CDH19: variants seen among roughly 807,000 people sequenced by gnomAD.
CDH19 encodes the protein cadherin-19.
A neutral mutation model predicts 64.2 loss-of-function variants in CDH19; 67 were observed. The observed-to-expected ratio is 1.04, with a 90% CI of 0.86 to 1.28. The LOEUF is 1.28. CDH19 is among the 50% of genes most tolerant of loss of function. The pLI is 0.00. For synonymous variants in CDH19, 346 were observed against 319.3 expected, an observed-to-expected ratio of 1.08 and a Z score of -0.89; for missense variants, 1,030 against 929.0, an observed-to-expected ratio of 1.11 and a Z score of -1.41.
chr18:66,593,365 T>C (rs1359001616), intron 1 of CDH19, among the ~76,000 whole-genome samples: 2 of 151,976 alleles, frequency 1.3e-5, no homozygotes, highest in African/African-American at 4.8e-5. Flanking sequence ...AATGTTCTTA[T>C]ACAAAAAAAT....
chr18:66,506,420 T>C (rs1049517409), intron 11 of CDH19, among the ~76,000 whole-genome samples: 4 of 151,944 alleles, frequency 2.6e-5, no homozygotes, highest in Non-Finnish European at 5.9e-5. Context: ...CAACACACTG[T>C]ACCCCATAAA....
rs140482778 is a variant in CDH19 at position 66,545,095 on chromosome 18, C to T, written c.776-192G>A. 3.0e-4 allele frequency among the ~76,000 whole-genome samples: 46 copies of T among 152,166 alleles called. 1 individual carries two copies. In the East Asian group the frequency reaches 6.0e-3, roughly 20 times the overall value. On this transcript the variant is annotated intron_variant, in intron 5 of 11. Coordinates refer to ENST00000262150, the MANE Select transcript of CDH19 (RefSeq NM_021153.4). ...CTGGGTTCATGCCATTCTCCTGCCT[C>T]AGCCTACTGAGTAGCTGGGTCTACA... is the stretch of plus-strand genomic sequence containing the variant.
At chr18:66,508,712 A>G (rs553943033) in intron 11 of CDH19, among the ~76,000 whole-genome samples, 4 of 150,832 alleles carry the variant, frequency 2.7e-5, no homozygotes, top group Admixed American at 1.3e-4. Flanking sequence ...ATACTGTTAC[A>G]TTGTATATGT....
Position 66,568,475 on chromosome 18 carries a change from T to C in CDH19, c.431A>G (p.Asn144Ser). The C allele has an allele frequency of 6.2e-7, 1 of 1,612,304 alleles. No homozygotes were observed. Among genetic ancestry groups the C allele is most frequent in the Admixed American group, 1.7e-5 (1 of 59,756 alleles). The stretch of plus-strand genomic sequence containing the variant: ...AGGTTCATCTAGGAATTTTGGTTCA[T>C]TGTCATTGATATCCGAAACTTTGAT... Reference protein sequence around the residue: ...FVIKVSDINDNEPKFLDEPYE... With the variant: ...FVIKVSDINDSEPKFLDEPYE... Residue 144 changes from asparagine (N) to serine (S), a missense_variant, in exon 3 of 12, where the codon AAT becomes AGT. Coordinates refer to ENST00000262150, the MANE Select transcript of CDH19 (RefSeq NM_021153.4).
At chr18:66,534,899 A>T in intron 8 of CDH19, 87 bp downstream of exon 8, 1 of 851,868 alleles carries the variant, frequency 1.2e-6, no homozygotes, top group Non-Finnish European at 1.7e-6. Flanking sequence ...ACAACATTTT[A>T]AAGTAGCCTT....
intron 11 of CDH19, 23 bp from the exon 12 acceptor site, chr18:66,505,325 A>G (rs1985141356): frequency 6.6e-7 from 1 of 1,506,398 alleles, no homozygotes; most frequent in African/African-American, 1.4e-5. Flanking sequence ...GCACATCAGA[A>G]TATCAATAAA....
At chr18:66,558,814 G>A (rs920807514) in intron 3 of CDH19, among the ~76,000 whole-genome samples, 5 of 151,904 alleles carry the variant, frequency 3.3e-5, no homozygotes, top group Admixed American at 1.3e-4. Flanking sequence ...TTTAGACAAC[G>A]AATGTTTAAT....
chr18:66,547,623 G>A (rs1036978651), intron 5 of CDH19, among the ~76,000 whole-genome samples: 4 of 151,648 alleles, frequency 2.6e-5, no homozygotes, highest in Non-Finnish European at 5.9e-5. Flanking sequence ...TCAGAGGAGG[G>A]GCAGCTGGAA....
chr18:66,535,926 G>A (rs1986650543), intron 7 of CDH19, among the ~76,000 whole-genome samples: 1 of 145,436 alleles, frequency 6.9e-6, no homozygotes, highest in African/African-American at 2.5e-5. Context: ...TAATATATAT[G>A]TTTTATATAT....
intron 7 of CDH19, among the ~76,000 whole-genome samples, chr18:66,543,269 C>T (rs1272936185): frequency 5.3e-5 from 8 of 151,968 alleles, no homozygotes; most frequent in African/African-American, 9.7e-5. Flanking sequence ...CCTCGTGATC[C>T]GCCCGCCTCG....
rs377474071 is a variant in CDH19 at position 66,568,477 on chromosome 18, G to A, written c.429C>T (p.Asp143=). ...EFVIKVSDIN[D]NEPKFLDEPY... ...GTTCATCTAGGAATTTTGGTTCATTGTCATTGATATCCGAAACTTTGATGA... is the reference window on the plus strand; with the variant it reads ...GTTCATCTAGGAATTTTGGTTCATTATCATTGATATCCGAAACTTTGATGA... Residue 143 remains aspartate, a synonymous_variant, in exon 3 of 12, where the codon GAC becomes GAT. Transcript: ENST00000262150. 62 of 1,612,012 alleles carry A rather than the reference G, an allele frequency of 3.8e-5. No homozygotes were observed. The highest frequency in any genetic ancestry group is 5.3e-5 in the Non-Finnish European group (62 of 1,178,860).
rs952075449 is a variant in CDH19 at position 66,551,190 on chromosome 18, T to C, written c.679A>G (p.Lys227Glu). 1.3e-6 allele frequency: 2 copies of C among 1,594,156 alleles called. No individual in the cohort carries two copies. The highest frequency in any genetic ancestry group is 1.7e-5 in the Admixed American group (1 of 59,946). Residue 227 changes from lysine (K) to glutamate (E), a missense_variant, in exon 5 of 12, where the codon AAG becomes GAG. Physicochemically the swap from Lys to Glu is moderately conservative, Grantham distance 56 (BLOSUM62 1). Transcript: ENST00000262150. ...QDEYWVIIQA[K>E]DMIGQPGALS... ...GCTCCTGGCTGACCAATCATGTCCT[T>C]GGCTTGAATGATTACCCAATACTCA...
intron 1 of CDH19, among the ~76,000 whole-genome samples, chr18:66,593,452 G>C (rs535271090): frequency 6.6e-6 from 1 of 151,862 alleles, no homozygotes; most frequent in Non-Finnish European, 1.5e-5. Flanking sequence ...TGACATATAA[G>C]TTCTCTTAAG....
intron 5 of CDH19, among the ~76,000 whole-genome samples, chr18:66,548,157 A>C (rs1271023465): frequency 6.8e-6 from 1 of 147,040 alleles, no homozygotes; most frequent in Non-Finnish European, 1.5e-5. Flanking sequence ...TATGTAATAC[A>C]CATATATAAT....
At chr18:66,514,891 T>C (rs1198058107) in intron 9 of CDH19, among the ~76,000 whole-genome samples, 3 of 151,626 alleles carry the variant, frequency 2.0e-5, no homozygotes, top group East Asian at 3.9e-4. Flanking sequence ...AAGATGCAAC[T>C]CTTGTACACA....
intron 5 of CDH19, among the ~76,000 whole-genome samples, chr18:66,549,582 A>G (rs1005529626): frequency 1.3e-5 from 2 of 152,140 alleles, no homozygotes; most frequent in African/African-American, 4.8e-5. Context: ...CCCTTTGCCT[A>G]TAGTCCATCC....
intron 7 of CDH19, among the ~76,000 whole-genome samples, chr18:66,538,824 G>A (rs1045184586): frequency 7.9e-5 from 12 of 151,920 alleles, no homozygotes; most frequent in African/African-American, 2.2e-4. Flanking sequence ...TAGACGCATC[G>A]CTCTGATCTC....
intron 9 of CDH19, among the ~76,000 whole-genome samples, chr18:66,519,171 T>C (rs78959312): frequency 0.02 from 3,000 of 152,318 alleles, 86 homozygotes; most frequent in African/African-American, 0.069. Flanking sequence ...ACAATGTTGT[T>C]TGTGTGCAAT....
At chr18:66,521,622 A>G (rs2144384273) in intron 9 of CDH19, among the ~76,000 whole-genome samples, 1 of 151,530 alleles carries the variant, frequency 6.6e-6, no homozygotes, top group African/African-American at 2.4e-5. Context: ...TGCAGCTTTG[A>G]ACTCCTGGGC....
Sources: gnomAD v4.1 joint callset for allele counts (sites outside exome capture counted in the v4.1 genomes callset) on GRCh38, gnomAD v4.1.1 for gene constraint, MANE v1.5 for transcripts, NCBI Gene and HGNC (gene_info 2026-07-23, HGNC 2026-07-21) for gene names.